The following TSPAN11 variants were observed in gnomAD, a reference collection of about 807,000 sequenced individuals.
The protein encoded by TSPAN11 is tetraspanin-11.
TSPAN11 carries 29 observed loss-of-function variants against 32.9 expected under a neutral mutation model. That is an observed-to-expected ratio of 0.88 (90% confidence interval 0.66 to 1.20). TSPAN11 has a LOEUF of 1.20. Ranked by LOEUF, TSPAN11 falls within the 50% of genes most tolerant of loss-of-function variation. The probability of loss-of-function intolerance (pLI) is 0.00; values close to 1 mark genes in which losing one functional copy is unlikely to be tolerated. For synonymous variants in TSPAN11, 140 were observed against 141.3 expected (o/e 0.99, Z 0.07); for missense variants, 283 against 329.1 (o/e 0.86, Z 1.08).
Position 30,975,081 on chromosome 12 carries a change from G to C in TSPAN11, c.277-3480G>C, listed in dbSNP as rs4931395. The stretch of plus-strand genomic sequence containing the variant: ...AGGCTGGACGCTTGGCCTGTGTGAA[G>C]AGAACTGTGTGCAGCAACACCAGGA... On this transcript the variant is annotated intron_variant, in intron 3 of 7. Coordinates refer to ENST00000546076, the MANE Select transcript of TSPAN11 (RefSeq NM_001370302.1). This position sits in a 1 kb window ranked among gnomAD's most constrained non-coding sequence, Gnocchi z 4.5. Among the ~76,000 whole-genome samples the C allele has an allele frequency of 2.0e-5, 3 of 152,198 alleles. No individual in the cohort carries two copies. Among genetic ancestry groups the C allele is most frequent in the East Asian group, 3.9e-4 (2 of 5,180 alleles).
chr12:30,956,955 C>T (rs897669826), intron 2 of TSPAN11, among the ~76,000 whole-genome samples: 8 of 152,182 alleles, frequency 5.3e-5, no homozygotes, highest in Admixed American at 2.0e-4. Context: ...GGTATTTCCC[C>T]GGGGACCGGG....
intron 3 of TSPAN11, among the ~76,000 whole-genome samples, chr12:30,968,537 C>G (rs1455970465): frequency 6.6e-6 from 1 of 152,166 alleles, no homozygotes; most frequent in Non-Finnish European, 1.5e-5. Flanking sequence ...TTAGCAAAGC[C>G]TGCATGAGAG....
chr12:30,927,516 G>C (rs73093651), intron 1 of TSPAN11, among the ~76,000 whole-genome samples: 133 of 152,236 alleles, frequency 8.7e-4, no homozygotes, highest in Admixed American at 2.0e-3. Context: ...TTGAGTCTAA[G>C]CTGCTGTGTG....
At chr12:30,997,833 G>A (rs1939437604), downstream of TSPAN11, among the ~76,000 whole-genome samples, 1 of 152,150 alleles carries the variant, frequency 6.6e-6, no homozygotes, top group African/African-American at 2.4e-5. Context: ...AACCCAATAG[G>A]GCCCTGCCAC....
In TSPAN11 at chr12:30,963,797, CCCTG is replaced by C. The variant is rs771715426; in HGVS notation, c.85-27_85-24del. The stretch of plus-strand genomic sequence containing the variant: ...AGCAGCTGCCGAGGCCCCCGCCACC[CCCTG>C]CTCTAACCCGGTGGTCTCCTGCAGG... On this transcript the variant is annotated intron_variant, in intron 2 of 7. Coordinates refer to ENST00000546076, the MANE Select transcript of TSPAN11 (RefSeq NM_001370302.1). 203 of 1,597,136 alleles carry C rather than the reference CCCTG, an allele frequency of 1.3e-4. No individual in the cohort carries two copies. The African/African-American group carries it at 2.3e-3, about 18-fold the overall frequency.
chr12:30,977,284 C>T (rs564422423), intron 3 of TSPAN11, among the ~76,000 whole-genome samples: 11 of 151,944 alleles, frequency 7.2e-5, no homozygotes, highest in African/African-American at 2.6e-4. Flanking sequence ...TCCTGGGCAC[C>T]GCCCCCGCTC....
At chr12:31,000,698 T>C (rs1311775828), downstream of TSPAN11, among the ~76,000 whole-genome samples, 3 of 152,166 alleles carry the variant, frequency 2.0e-5, no homozygotes, top group Admixed American at 1.3e-4. Flanking sequence ...TGACGGCTGA[T>C]AAGATAGTTT....
At chr12:30,976,343 A>G (rs1412719478) in intron 3 of TSPAN11, among the ~76,000 whole-genome samples, 1 of 152,164 alleles carries the variant, frequency 6.6e-6, no homozygotes, top group Non-Finnish European at 1.5e-5. Context: ...AATCCAGCCC[A>G]TGCAACTCTT....
chr12:31,004,862 C>A, the TSPAN11 span, among the ~76,000 whole-genome samples: 1 of 152,220 alleles, frequency 6.6e-6, no homozygotes, highest in East Asian at 1.9e-4. Context: ...TTCACCAGCC[C>A]CCAGGGGACC....
At chr12:30,952,166 G>A (rs1409367729) in intron 1 of TSPAN11, among the ~76,000 whole-genome samples, 1 of 152,188 alleles carries the variant, frequency 6.6e-6, no homozygotes. Context: ...TGCAAGTAGA[G>A]AGAAAGCTCT....
At chr12:30,965,252 C>T (rs953064173) in intron 3 of TSPAN11, among the ~76,000 whole-genome samples, 6 of 152,212 alleles carry the variant, frequency 3.9e-5, no homozygotes, top group African/African-American at 9.6e-5. Flanking sequence ...GTGTCCTGTC[C>T]GGCTCTGCAC....
At chr12:30,950,431 C>T (rs778353053) in intron 1 of TSPAN11, among the ~76,000 whole-genome samples, 2 of 152,176 alleles carry the variant, frequency 1.3e-5, no homozygotes, top group Non-Finnish European at 2.9e-5. Context: ...TTAGCGGGGG[C>T]AGTTGTACAG....
chr12:30,940,713 C>G (rs557220700), intron 1 of TSPAN11, among the ~76,000 whole-genome samples: 1 of 152,164 alleles, frequency 6.6e-6, no homozygotes, highest in Non-Finnish European at 1.5e-5. Flanking sequence ...GCATGCCTAC[C>G]TCATGGGGTT....
In TSPAN11 at chr12:30,975,660, C is replaced by G. The variant is rs531921192; in HGVS notation, c.277-2901C>G. Among the ~76,000 whole-genome samples the G allele has an allele frequency of 6.0e-4, 92 of 152,156 alleles. 1 individual carries two copies. Among genetic ancestry groups the G allele is most frequent in the South Asian group, 8.4e-4 (4 of 4,780 alleles). ...CCTCCCCATCCTCCCTGTTCCCCAC[C>G]CCGTCTTCAATAGTAACTGGGGCAG... On this transcript the variant is annotated intron_variant, in intron 3 of 7. Coordinates refer to ENST00000546076, the MANE Select transcript of TSPAN11 (RefSeq NM_001370302.1). The surrounding 1 kb of genome is among the most constrained non-coding windows in gnomAD (Gnocchi z 4.5).
At position 30,957,494 on chromosome 12, in the gene TSPAN11, A is replaced by C. The variant is rs562394646; in HGVS notation, c.84+3419A>C. Among the ~76,000 whole-genome samples the C allele has an allele frequency of 4.5e-4, 68 of 152,310 alleles. No homozygotes were observed. In the South Asian group the frequency reaches 0.014, roughly 31 times the overall value. On this transcript the variant is annotated intron_variant, in intron 2 of 7. Coordinates refer to ENST00000546076, the MANE Select transcript of TSPAN11 (RefSeq NM_001370302.1). ...CAGCAGCCCAATTGGTTAAATGGGCACTAAACTGAGCATTAGGATTCCTAA... is the reference window on the plus strand; with the variant it reads ...CAGCAGCCCAATTGGTTAAATGGGCCCTAAACTGAGCATTAGGATTCCTAA...
intron 7 of TSPAN11, among the ~76,000 whole-genome samples, chr12:30,991,286 A>G (rs1038985834): frequency 1.3e-5 from 2 of 152,162 alleles, no homozygotes; most frequent in Non-Finnish European, 2.9e-5. Context: ...CTCTTCCCAG[A>G]GTCTCAGTTT....
chr12:30,945,567 G>A (rs1938249760), intron 1 of TSPAN11, among the ~76,000 whole-genome samples: 1 of 151,936 alleles, frequency 6.6e-6, no homozygotes, highest in Non-Finnish European at 1.5e-5. Context: ...CTGGTCGCTG[G>A]CCCTGGATGG....
intron 3 of TSPAN11, among the ~76,000 whole-genome samples, chr12:30,964,410 C>T (rs1378294812): frequency 6.6e-6 from 1 of 151,846 alleles, no homozygotes; most frequent in East Asian, 1.9e-4. Context: ...CCTACTTCCC[C>T]TTCTCCTCTC....
chr12:30,936,612 G>A lies in TSPAN11; in HGVS notation c.-12+9816G>A, dbSNP rs73286420. 5.8e-3 allele frequency among the ~76,000 whole-genome samples: 877 copies of A among 152,300 alleles called. 9 individuals carry two copies. The highest frequency in any genetic ancestry group is 0.02 in the African/African-American group (834 of 41,554). ...GCAGAAGGGGATGGCTTAGTGTTGG[G>A]GTGGGAAAGTGATAAAGCTGAGAAA... On this transcript the variant is annotated intron_variant, in intron 1 of 7. Coordinates refer to ENST00000546076, the MANE Select transcript of TSPAN11 (RefSeq NM_001370302.1).
Sources: gnomAD v4.1 joint callset for allele counts (sites outside exome capture counted in the v4.1 genomes callset) on GRCh38, gnomAD v4.1.1 for gene constraint, Gnocchi (gnomAD v3.1) non-coding constraint, MANE v1.5 for transcripts, NCBI Gene and HGNC (gene_info 2026-07-23, HGNC 2026-07-21) for gene names.